GRIP1: variants seen among roughly 807,000 people sequenced by gnomAD.
The protein encoded by GRIP1 is glutamate receptor-interacting protein 1.
Under a neutral mutation model 129.9 loss-of-function variants are expected in GRIP1, and 45 were observed. The ratio of observed to expected loss-of-function variants is 0.35; its 90% confidence interval spans 0.27 to 0.44. GRIP1 has a LOEUF of 0.44. GRIP1 is among the 20% of genes least tolerant of loss of function. The pLI, the probability that GRIP1 is intolerant of heterozygous loss-of-function variation, is 1.00. For missense variants in GRIP1, 1,196 were observed against 1,396.8 expected (o/e 0.86, Z 2.29); for synonymous variants, 530 against 520.8 (o/e 1.02, Z -0.24).
intron 2 of GRIP1, among the ~76,000 whole-genome samples, chr12:66,582,333 T>G (rs2063421069): frequency 7.1e-6 from 1 of 141,078 alleles, no homozygotes; most frequent in South Asian, 2.3e-4. Flanking sequence ...GCATTCCCTC[T>G]GAAAACTGGC....
At chr12:66,629,112 C>T (rs2030444594) in intron 1 of GRIP1, among the ~76,000 whole-genome samples, 1 of 152,182 alleles carries the variant, frequency 6.6e-6, no homozygotes, top group African/African-American at 2.4e-5. Context: ...ATTTAATTCT[C>T]TGTTTTCATT....
At position 66,492,168 on chromosome 12, in the gene GRIP1, TA is replaced by T. The variant is rs796552698; in HGVS notation, c.724+23450del. ...GCTACAGTTGGCTTCATGTTTCAGT[TA>T]AAAAAAAAAAAAAGTATCCTAGTTC... On this transcript the variant is annotated intron_variant, in intron 7 of 24. Transcript: ENST00000359742. Among the ~76,000 whole-genome samples the T allele has an allele frequency of 7.5e-3, 1,043 of 139,326 alleles. 1 individual carries two copies. Among genetic ancestry groups the T allele is most frequent in the Middle Eastern group, 0.011 (3 of 270 alleles). The allele number at this position is 139,326 out of a possible 152,430, so 91.4% of individuals were successfully genotyped here. A position where few individuals can be genotyped will look rare whatever the true frequency, so the allele number is the denominator to read the frequency against.
chr12:66,992,503 G>A (rs2042408332), intron 1 of GRIP1, among the ~76,000 whole-genome samples: 2 of 151,990 alleles, frequency 1.3e-5, no homozygotes. Context: ...AACAAGTCCT[G>A]ATTACAAAGC....
At chr12:66,469,147 G>T (rs1180702379) in intron 7 of GRIP1, among the ~76,000 whole-genome samples, 1 of 152,154 alleles carries the variant, frequency 6.6e-6, no homozygotes, top group Non-Finnish European at 1.5e-5. Flanking sequence ...GCTAGAGGGT[G>T]GTTCTTGCTA....
At chr12:66,457,179 T>C (rs2172536) in intron 9 of GRIP1, among the ~76,000 whole-genome samples, 39,906 of 152,116 alleles carry the variant, frequency 0.26, 6,164 homozygotes, top group African/African-American at 0.42. Context: ...CACCCAGTGT[T>C]CTGAAATATG....
At chr12:66,628,212 G>T (rs752760348) in intron 1 of GRIP1, among the ~76,000 whole-genome samples, 3 of 152,132 alleles carry the variant, frequency 2.0e-5, no homozygotes, top group Non-Finnish European at 4.4e-5. Flanking sequence ...AATAGATTGT[G>T]AGCTCACAGA....
intron 2 of GRIP1, among the ~76,000 whole-genome samples, chr12:66,555,807 G>C (rs2062309976): frequency 1.3e-5 from 2 of 152,006 alleles, no homozygotes; most frequent in Admixed American, 6.6e-5. Flanking sequence ...TCTGTTAATA[G>C]GAGAAGTGAT....
chr12:66,629,943 T>C (rs898309457), intron 1 of GRIP1, among the ~76,000 whole-genome samples: 1 of 152,248 alleles, frequency 6.6e-6, no homozygotes, highest in South Asian at 2.1e-4. Context: ...CTCGGGTTTT[T>C]ACTCTATTAA....
rs191195052 is a variant in GRIP1 at position 66,474,133 on chromosome 12, C to T, written c.725-8711G>A. On this transcript the variant is annotated intron_variant, in intron 7 of 24. Transcript: ENST00000359742. ...CTAGAATAACCAGTTTAGAGAAGAACATAAATGACCTGTTGCAGCTGAAAA... is the reference window on the plus strand; with the variant it reads ...CTAGAATAACCAGTTTAGAGAAGAATATAAATGACCTGTTGCAGCTGAAAA... Among the ~76,000 whole-genome samples, 723 of 152,064 alleles carry T rather than the reference C, an allele frequency of 4.8e-3. 2 individuals carry two copies. Among genetic ancestry groups the T allele is most frequent in the Non-Finnish European group, 7.2e-3 (491 of 67,974 alleles).
chr12:66,456,366 A>T, intron 9 of GRIP1, 24 bp from the exon 10 acceptor site: 1 of 1,256,514 alleles, frequency 8.0e-7, no homozygotes, highest in Non-Finnish European at 1.0e-6. Flanking sequence ...GTGATGATGA[A>T]AAATAAGAAA....
At chr12:66,692,848 C>G (rs2035026964) in intron 1 of GRIP1, among the ~76,000 whole-genome samples, 1 of 152,152 alleles carries the variant, frequency 6.6e-6, no homozygotes, top group South Asian at 2.1e-4. Flanking sequence ...CTAAATATTC[C>G]TGTGCCTCAG....
At chr12:66,877,707 C>G (rs1001104430) in intron 1 of GRIP1, among the ~76,000 whole-genome samples, 1 of 152,022 alleles carries the variant, frequency 6.6e-6, no homozygotes, top group African/African-American at 2.4e-5. Context: ...AATAGCATTC[C>G]ACATACACCC....
rs143768269 is a variant in GRIP1 at position 66,514,192 on chromosome 12, C to A, written c.724+1427G>T. Among the ~76,000 whole-genome samples the A allele has an allele frequency of 1.5e-3, 231 of 152,224 alleles. 2 individuals are homozygous for A. The highest frequency in any genetic ancestry group is 5.3e-3 in the African/African-American group (221 of 41,534). ...ATTGCAAGCTTCATAAGAGCAGGGACCAGGTCTATTTTGTTCACCTTCTTC... is the reference window on the plus strand; with the variant it reads ...ATTGCAAGCTTCATAAGAGCAGGGAACAGGTCTATTTTGTTCACCTTCTTC... On this transcript the variant is annotated intron_variant, in intron 7 of 24. Coordinates refer to ENST00000359742, the MANE Select transcript of GRIP1 (RefSeq NM_001366722.1).
intron 5 of GRIP1, among the ~76,000 whole-genome samples, 183 bp downstream of exon 5, chr12:66,529,648 G>A (rs1433618770): frequency 6.6e-6 from 1 of 152,136 alleles, no homozygotes; most frequent in East Asian, 1.9e-4. Flanking sequence ...AGGGGGAGGG[G>A]GCTGAGGAAT....
At chr12:66,753,038 T>C (rs1457549560) in intron 1 of GRIP1, among the ~76,000 whole-genome samples, 2 of 152,148 alleles carry the variant, frequency 1.3e-5, no homozygotes, top group Non-Finnish European at 2.9e-5. Flanking sequence ...ACTAACTTTG[T>C]AGTGGTATTT....
intron 1 of GRIP1, among the ~76,000 whole-genome samples, chr12:66,963,903 T>G (rs948091616): frequency 6.6e-6 from 1 of 152,188 alleles, no homozygotes; most frequent in Admixed American, 6.5e-5. Context: ...TTTCTTTGTA[T>G]GTTTCTTACC....
At chr12:66,681,297 G>A (rs1463440469), upstream of GRIP1, among the ~76,000 whole-genome samples, 7 of 152,020 alleles carry the variant, frequency 4.6e-5, no homozygotes, top group Non-Finnish European at 1.0e-4. Flanking sequence ...AGATTTCCTG[G>A]GGAGCCACTC....
chr12:66,381,996 C>A (rs998898774), intron 19 of GRIP1, among the ~76,000 whole-genome samples: 1 of 152,192 alleles, frequency 6.6e-6, no homozygotes, highest in Admixed American at 6.5e-5. Context: ...GAAGCCAAGA[C>A]AGGCAGATCG....
rs958282073 is a variant in GRIP1 at position 66,818,798 on chromosome 12, C to G, written c.59-221871G>C. ...GGGTACTAAAGCTCCAGAGGTGTTA[C>G]CCACTATTGTGTAAGCTCAAATAAC... On this transcript the variant is annotated intron_variant, in intron 1 of 1. Transcript: ENST00000643019. Among the ~76,000 whole-genome samples the G allele has an allele frequency of 3.9e-5, 6 of 152,116 alleles. 1 individual carries two copies. Among genetic ancestry groups the G allele is most frequent in the African/African-American group, 1.4e-4 (6 of 41,412 alleles).
Sources: gnomAD v4.1 joint callset for allele counts (sites outside exome capture counted in the v4.1 genomes callset) on GRCh38, gnomAD v4.1.1 for gene constraint, MANE v1.5 for transcripts, NCBI Gene and HGNC (gene_info 2026-07-23, HGNC 2026-07-21) for gene names.